The following THOC5 variants were observed in gnomAD, a reference collection of about 807,000 sequenced individuals.
The protein encoded by THOC5 is THO complex subunit 5.
THOC5 carries 43 observed loss-of-function variants against 92.9 expected under a neutral mutation model. The ratio of observed to expected loss-of-function variants is 0.46; its 90% CI spans 0.36 to 0.60. The LOEUF (loss-of-function observed/expected upper bound fraction) is 0.60, where lower values mean the gene tolerates loss of function less well. Ranked by LOEUF, THOC5 falls within the 20% of genes least tolerant of loss-of-function variation. THOC5 has a pLI of 0.00. For missense variants in THOC5, 659 were observed against 849.4 expected, an observed-to-expected ratio of 0.78 and a Z score of 2.79; for synonymous variants, 296 against 320.1, an observed-to-expected ratio of 0.92 and a Z score of 0.80.
chr22:29,541,877 AAAAAAAAAAAAAAAAAATATATATAT>A (rs1569230851), intron 5 of THOC5, among the ~76,000 whole-genome samples: 21 of 63,474 alleles, frequency 3.3e-4, no homozygotes, highest in African/African-American at 8.5e-4. Flanking sequence ...AAAAAAAAAA[AAAAAAAAAAAAAAAAAATATATATAT>A]ATATATATAT....
chr22:29,522,410 CTT>C (rs1389715026), intron 12 of THOC5, among the ~76,000 whole-genome samples: 1 of 151,468 alleles, frequency 6.6e-6, no homozygotes, highest in Non-Finnish European at 1.5e-5. Flanking sequence ...ACTTTTCAGT[CTT>C]TTAGCAAGTG....
intron 17 of THOC5, 24 bp from the exon 18 acceptor site, chr22:29,512,160 A>T: frequency 3.1e-6 from 5 of 1,604,190 alleles, no homozygotes; most frequent in Non-Finnish European, 4.3e-6. Flanking sequence ...AGAGAGGGGA[A>T]ATGCGCAGTT....
intron 3 of THOC5, 96 bp from the exon 4 acceptor site, chr22:29,543,638 A>C: frequency 2.2e-5 from 17 of 765,928 alleles, no homozygotes; most frequent in South Asian, 1.8e-5. Flanking sequence ...TGGGGCCAAA[A>C]ACGGCACCGG....
In THOC5 at chr22:29,509,374, G is replaced by A. The variant is rs546678061; in HGVS notation, c.1989-854C>T. 2.0e-5 allele frequency among the ~76,000 whole-genome samples: 3 copies of A among 152,274 alleles called. No individual in the cohort carries two copies. In the East Asian group the frequency reaches 5.8e-4, roughly 29 times the overall value. ...CTGGCCATGTGAGAATTCCCACCCT[G>A]GCAATGTGCTAGAATGGGCTGGGCA... On this transcript the variant is annotated intron_variant, in intron 19 of 19. Coordinates refer to ENST00000490103, the MANE Select transcript of THOC5 (RefSeq NM_003678.5).
intron 1 of THOC5, 44 bp downstream of exon 1, chr22:29,553,627 C>G (rs2064230007): frequency 6.6e-6 from 1 of 152,492 alleles, no homozygotes; most frequent in African/African-American, 2.4e-5. Flanking sequence ...GAGCGCCCAG[C>G]CCCGCCCCAT....
chr22:29,538,826 A>T lies in THOC5; in HGVS notation c.599+504T>A, dbSNP rs1601440667. ...GAAAAAAAAAAAAAAAAAAAAAAAA[A>T]AGGGCCAGGCACAGTGGCTCACGTC... On this transcript the variant is annotated intron_variant, in intron 6 of 19. Transcript: ENST00000490103. Among the ~76,000 whole-genome samples the T allele has an allele frequency of 2.0e-5, 3 of 148,696 alleles. No individual in the cohort carries two copies. In the East Asian group the frequency reaches 6.0e-4, roughly 30 times the overall value.
Position 29,526,447 on chromosome 22 carries a change from G to C in THOC5, c.1067-501C>G, listed in dbSNP as rs2063546590. Among the ~76,000 whole-genome samples the C allele has an allele frequency of 2.6e-5, 4 of 151,950 alleles. No homozygotes were observed. The South Asian group carries it at 8.3e-4, about 32-fold the overall frequency. ...CTTGGGAGGCTGAGGCAGGAGAATG[G>C]TGTGAACCCAGGAGGTGGAGCTTGC... On this transcript the variant is annotated intron_variant, in intron 11 of 19. Coordinates refer to ENST00000490103, the MANE Select transcript of THOC5 (RefSeq NM_003678.5).
chr22:29,548,421 G>C (rs2064071247), intron 2 of THOC5, among the ~76,000 whole-genome samples: 1 of 152,114 alleles, frequency 6.6e-6, no homozygotes, highest in Admixed American at 6.6e-5. Context: ...TGGGCATGGT[G>C]GCGTGCAGCT....
intron 17 of THOC5, among the ~76,000 whole-genome samples, chr22:29,513,498 G>A (rs1290898076): frequency 6.6e-6 from 1 of 152,032 alleles, no homozygotes; most frequent in Non-Finnish European, 1.5e-5. Context: ...GACCAGCCCA[G>A]CCAACATAGT....
intron 16 of THOC5, 54 bp from the exon 17 acceptor site, chr22:29,517,170 C>T: frequency 6.2e-7 from 1 of 1,609,332 alleles, no homozygotes; most frequent in East Asian, 2.2e-5. Context: ...TGGTTAAACC[C>T]CCTGCTCTTC....
rs1467693002 is a variant in THOC5, at chr22:29,544,475, C to T, written c.225G>A (p.Arg75=). The part of the protein sequence containing the change: ...LMAEIQDLKS[R]GGKDVAIEIE... Reference sequence around the variant, plus strand: ...CACTCCTTACCACATCCTTGCCACCCCTGCTCTTCAGGTCTTGGATCTCAG... The same window carrying T: ...CACTCCTTACCACATCCTTGCCACCTCTGCTCTTCAGGTCTTGGATCTCAG... The change falls in exon 3 of 20, where the codon AGG becomes AGA. Residue 75 remains arginine, a synonymous_variant. Transcript: ENST00000490103. 6.2e-7 allele frequency: 1 copy of T among 1,613,432 alleles called. No individual in the cohort carries two copies. Among genetic ancestry groups the T allele is most frequent in the African/African-American group, 1.3e-5 (1 of 74,888 alleles).
chr22:29,511,938 T>G (rs2063231323), intron 18 of THOC5, 83 bp downstream of exon 18: 2 of 1,130,312 alleles, frequency 1.8e-6, no homozygotes, highest in Non-Finnish European at 2.6e-6. Flanking sequence ...AGTGCCCAAG[T>G]CCTCAGCTGC....
At chr22:29,532,039 G>A (rs968726725) in intron 7 of THOC5, 76 bp from the exon 8 acceptor site, 53 of 1,526,512 alleles carry the variant, frequency 3.5e-5, no homozygotes, top group South Asian at 8.6e-5. Context: ...CTTAGTGACC[G>A]TAAATCATTA....
At position 29,525,909 on chromosome 22, in the gene THOC5, C is replaced by A; in HGVS notation, c.1104G>T (p.Met368Ile). Residue 368 changes from methionine to isoleucine, a missense_variant, in exon 12 of 20, where the codon ATG becomes ATT. Met to Ile is a conservative substitution (Grantham distance 10). Coordinates refer to ENST00000490103, the MANE Select transcript of THOC5 (RefSeq NM_003678.5). ...SVLHLTFYYL[M>I]NLNIMTVKAK... Reference sequence around the variant, plus strand: ...CTTTTACTGTCATGATGTTGAGGTTCATGAGGTAGTAGAAAGTCAGGTGAA... The same window carrying A: ...CTTTTACTGTCATGATGTTGAGGTTAATGAGGTAGTAGAAAGTCAGGTGAA... 3 of 1,613,574 alleles carry A rather than the reference C, an allele frequency of 1.9e-6. No individual in the cohort carries two copies. The highest frequency in any genetic ancestry group is 2.2e-5 in the South Asian group (2 of 91,072).
At chr22:29,537,923 T>C (rs1360683678) in intron 6 of THOC5, among the ~76,000 whole-genome samples, 1 of 152,132 alleles carries the variant, frequency 6.6e-6, no homozygotes, top group Non-Finnish European at 1.5e-5. Context: ...GATAAATAAA[T>C]AAATAAACCT....
chr22:29,531,428 G>C (rs1175838542), intron 8 of THOC5: 1 of 1,006,338 alleles, frequency 9.9e-7, no homozygotes, highest in Non-Finnish European at 1.2e-6. Flanking sequence ...CTGATTCAAG[G>C]CATGGTGAAA....
At chr22:29,525,978 G>A (rs1353143773) in intron 11 of THOC5, 32 bp from the exon 12 acceptor site, 3 of 1,369,250 alleles carry the variant, frequency 2.2e-6, no homozygotes, top group Non-Finnish European at 2.0e-6. Flanking sequence ...GAATTTATGA[G>A]TCAAAACACT....
intron 5 of THOC5, among the ~76,000 whole-genome samples, chr22:29,541,893 A>AATATATATAT (rs55924406): frequency 3.4e-4 from 25 of 74,148 alleles, no homozygotes; most frequent in African/African-American, 1.2e-3. Context: ...AAAAAAAAAA[A>AATATATATAT]ATATATATAT....
intron 12 of THOC5, among the ~76,000 whole-genome samples, chr22:29,522,231 GC>G (rs1410508700): frequency 6.6e-6 from 1 of 151,786 alleles, no homozygotes; most frequent in Non-Finnish European, 1.5e-5. Flanking sequence ...ATGGTGGCGG[GC>G]GCCTATAGTC....
Sources: allele counts gnomAD v4.1 joint callset (sites outside exome capture counted in the v4.1 genomes callset), GRCh38; gene constraint gnomAD v4.1.1; transcripts MANE v1.5; gene names NCBI Gene and HGNC (gene_info 2026-07-23, HGNC 2026-07-21).